Variants in ADGRB3 observed in about 807,000 individuals in gnomAD.
ADGRB3 encodes adhesion G protein-coupled receptor B3.
Under a neutral mutation model 193.4 loss-of-function variants are expected in ADGRB3, and 37 were observed. That is an observed-to-expected ratio of 0.19 (90% CI 0.15 to 0.25). ADGRB3 has a LOEUF of 0.25. ADGRB3 is among the 10% of genes least tolerant of loss of function. ADGRB3 has a pLI of 1.00. For synonymous variants in ADGRB3, 690 were observed against 644.2 expected, an observed-to-expected ratio of 1.07 and a Z score of -1.08; for missense variants, 1,637 against 1,852.9, an observed-to-expected ratio of 0.88 and a Z score of 2.14.
intron 20 of ADGRB3, among the ~76,000 whole-genome samples, chr6:69,279,079 A>G (rs1410288632): frequency 0.19 from 11,266 of 59,922 alleles, 1,102 homozygotes; most frequent in African/African-American, 0.28. Context: ...ATGTATATAT[A>G]TATATATATA....
intron 11 of ADGRB3, among the ~76,000 whole-genome samples, chr6:69,007,900 A>G (rs531889679): frequency 7.9e-5 from 12 of 152,084 alleles, no homozygotes; most frequent in Non-Finnish European, 1.3e-4. Context: ...CACTGGTGGC[A>G]GGTTCAGTTG....
chr6:68,956,181 A>T lies in ADGRB3; in HGVS notation c.1353A>T (p.Glu451Asp), dbSNP rs1165467222. ...WAESRECYNP[E>D]CTANGQWNQW... ...AAAGCAGAGAGTGCTATAACCCTGA[A>T]TGTACAGGTAGGGCTTGATTCCTGC... Residue 451 changes from glutamate (E) to aspartate (D), a missense_variant, in exon 7 of 32, where the codon GAA (glutamate) becomes GAT (aspartate). Glu to Asp is a conservative substitution (Grantham distance 45). Around this residue, in one of 7 missense-constraint regions of ADGRB3, gnomAD observed 641 missense variants for 673.9 expected, o/e 0.95. Transcript: ENST00000370598. The T allele has an allele frequency of 6.2e-7, 1 of 1,610,434 alleles. No homozygotes were observed. The highest frequency in any genetic ancestry group is 1.3e-5 in the African/African-American group (1 of 74,906).
chr6:69,154,389 T>C (rs1037450484), intron 17 of ADGRB3, among the ~76,000 whole-genome samples: 1 of 152,210 alleles, frequency 6.6e-6, no homozygotes, highest in Non-Finnish European at 1.5e-5. Flanking sequence ...CTCAGCATAA[T>C]TTATGAAGCC....
intron 17 of ADGRB3, among the ~76,000 whole-genome samples, chr6:69,115,444 T>G (rs1481645819): frequency 1.3e-5 from 2 of 148,720 alleles, no homozygotes; most frequent in Non-Finnish European, 3.0e-5. Context: ...GGGGCCAGAC[T>G]GGGGGATCGG....
chr6:69,265,263 G>C (rs1403807698), intron 20 of ADGRB3, among the ~76,000 whole-genome samples: 3 of 151,938 alleles, frequency 2.0e-5, no homozygotes, highest in Non-Finnish European at 4.4e-5. Flanking sequence ...AGCTAGAATT[G>C]AGTCACAGAG....
intron 31 of ADGRB3, among the ~76,000 whole-genome samples, chr6:69,388,062 C>T (rs972972903): frequency 6.6e-6 from 1 of 151,888 alleles, no homozygotes; most frequent in Non-Finnish European, 1.5e-5. Flanking sequence ...TATTGGTATA[C>T]AATTACAAGT....
intron 3 of ADGRB3, among the ~76,000 whole-genome samples, chr6:68,864,104 T>C (rs1258220616): frequency 1.3e-5 from 2 of 152,324 alleles, no homozygotes; most frequent in African/African-American, 4.8e-5. Flanking sequence ...TCAAAATTAT[T>C]TGATCAGGGA....
At chr6:68,837,306 C>T (rs1768064765) in intron 3 of ADGRB3, among the ~76,000 whole-genome samples, 1 of 152,094 alleles carries the variant, frequency 6.6e-6, no homozygotes, top group South Asian at 2.1e-4. Context: ...AATAAAGATG[C>T]TAACAATTTG....
intron 30 of ADGRB3, among the ~76,000 whole-genome samples, chr6:69,374,579 C>T (rs1049855462): frequency 1.3e-5 from 2 of 152,060 alleles, no homozygotes; most frequent in Non-Finnish European, 2.9e-5. Context: ...ATCCCTAAAA[C>T]TCTTGTGGCT....
chr6:69,123,654 AG>A (rs2150331174), intron 17 of ADGRB3, among the ~76,000 whole-genome samples: 1 of 152,288 alleles, frequency 6.6e-6, no homozygotes, highest in Admixed American at 6.5e-5. Context: ...TACAGCACCT[AG>A]GGGAAAAATT....
intron 3 of ADGRB3, among the ~76,000 whole-genome samples, chr6:68,682,093 G>C (rs559704626): frequency 1.5e-4 from 23 of 152,334 alleles, no homozygotes; most frequent in Non-Finnish European, 2.9e-4. Flanking sequence ...TGGGGAACCA[G>C]TTGCAGATGA....
chr6:68,955,606 A>G (rs1411342544), intron 6 of ADGRB3, among the ~76,000 whole-genome samples: 1 of 152,182 alleles, frequency 6.6e-6, no homozygotes, highest in Non-Finnish European at 1.5e-5. Context: ...CCTGACCAAC[A>G]TGGTAAAACC....
rs375727607 is a variant in ADGRB3 at position 69,021,252 on chromosome 6, T to A, written c.2107+2753T>A. On this transcript the variant is annotated intron_variant, in intron 13 of 31. Transcript: ENST00000370598. ...TTAAAGAACTTCAAAAATCATAATG[T>A]ATTTTAGAGAGATTATAAATTATTT... 1.5e-4 allele frequency among the ~76,000 whole-genome samples: 23 copies of A among 152,044 alleles called. No individual in the cohort carries two copies. In the East Asian group the frequency reaches 4.2e-3, roughly 28 times the overall value.
intron 3 of ADGRB3, among the ~76,000 whole-genome samples, chr6:68,803,949 T>TGG (rs1767357839): frequency 6.6e-6 from 1 of 152,238 alleles, no homozygotes; most frequent in Non-Finnish European, 1.5e-5. Flanking sequence ...ATTGAACATT[T>TGG]GCTCTTTCAT....
intron 17 of ADGRB3, among the ~76,000 whole-genome samples, chr6:69,223,293 A>G (rs758079300): frequency 6.6e-6 from 1 of 152,162 alleles, no homozygotes; most frequent in Non-Finnish European, 1.5e-5. Context: ...TTTTGAAACT[A>G]AAGACTCTGA....
At chr6:69,298,304 G>A (rs893570498) in intron 20 of ADGRB3, among the ~76,000 whole-genome samples, 1 of 151,874 alleles carries the variant, frequency 6.6e-6, no homozygotes, top group Non-Finnish European at 1.5e-5. Context: ...CTCCCACAGA[G>A]ACTAGAAATA....
At chr6:68,771,385 T>TACAC (rs3040851) in intron 3 of ADGRB3, among the ~76,000 whole-genome samples, 9 of 147,982 alleles carry the variant, frequency 6.1e-5, no homozygotes, top group African/African-American at 1.5e-4. Context: ...AGGGAATATA[T>TACAC]ACACACACAC....
chr6:68,665,463 C>T (rs2254150), intron 3 of ADGRB3, among the ~76,000 whole-genome samples: 49,847 of 151,562 alleles, frequency 0.33, 8,502 homozygotes, highest in Non-Finnish European at 0.38. Context: ...TTAACATTAT[C>T]GGACCTTAGG....
chr6:68,851,963 C>A (rs1235491405), intron 3 of ADGRB3, among the ~76,000 whole-genome samples: 2 of 151,692 alleles, frequency 1.3e-5, no homozygotes, highest in South Asian at 2.1e-4. Flanking sequence ...GTGCAATGAG[C>A]CAAGTTTTAT....
Sources: gnomAD v4.1 joint callset for allele counts (sites outside exome capture counted in the v4.1 genomes callset) on GRCh38, gnomAD v4.1.1 for gene constraint, gnomAD v4.1.1 regional missense constraint, MANE v1.5 for transcripts, NCBI Gene and HGNC (gene_info 2026-07-23, HGNC 2026-07-21) for gene names.